Variants in UGT1A5 observed in about 807,000 individuals in gnomAD.
The protein encoded by UGT1A5 is UDP glucuronosyltransferase family 1 member A5.
In UGT1A5, 29 loss-of-function variants were observed where a neutral mutation model predicts 40.3. That is an observed-to-expected ratio of 0.72 (90% CI 0.54 to 0.98). The LOEUF is 0.98. Among genes scored for constraint, UGT1A5 ranks in the 50% least tolerant of loss-of-function variants. The pLI is 0.00. For missense variants in UGT1A5, 678 were observed against 677.9 expected (o/e 1.00, Z 0.00); for synonymous variants, 257 against 262.5 (o/e 0.98, Z 0.20).
intron 1 of UGT1A5, among the ~76,000 whole-genome samples, chr2:233,731,868 C>A (rs576370414): frequency 3.2e-4 from 49 of 152,324 alleles, no homozygotes; most frequent in African/African-American, 1.1e-3. Context: ...ACACTGTCTT[C>A]CACAATGGTT....
At chr2:233,758,400 T>C (rs1696865651) in intron 1 of UGT1A5, among the ~76,000 whole-genome samples, 1 of 152,196 alleles carries the variant, frequency 6.6e-6, no homozygotes, top group African/African-American at 2.4e-5. Context: ...TTATAGCCCC[T>C]TTACTGTCTA....
At chr2:233,718,427 T>C (rs551386260) in intron 1 of UGT1A5, among the ~76,000 whole-genome samples, 2 of 152,232 alleles carry the variant, frequency 1.3e-5, no homozygotes, top group East Asian at 3.9e-4. Context: ...GAACATGTGG[T>C]TGGGGACTAG....
intron 1 of UGT1A5, among the ~76,000 whole-genome samples, chr2:233,765,265 C>G (rs1223500650): frequency 6.6e-6 from 1 of 152,098 alleles, no homozygotes; most frequent in Non-Finnish European, 1.5e-5. Context: ...GGTATATACC[C>G]AAAGAAATAT....
At chr2:233,742,731 A>G (rs1692080362) in intron 1 of UGT1A5, 1 of 152,930 alleles carries the variant, frequency 6.5e-6, no homozygotes, top group Non-Finnish European at 1.5e-5. Context: ...TATGGGATTC[A>G]AATGTCTGAC....
intron 1 of UGT1A5, chr2:233,743,969 G>T: frequency 1.5e-6 from 2 of 1,324,976 alleles, no homozygotes; most frequent in Admixed American, 2.1e-5. Flanking sequence ...CGGCAAGGCT[G>T]CCAGCACCCA....
chr2:233,763,296 GAT>G (rs1373689978), intron 1 of UGT1A5, among the ~76,000 whole-genome samples: 1 of 152,054 alleles, frequency 6.6e-6, no homozygotes, highest in African/African-American at 2.4e-5. Flanking sequence ...CCACTTTTTG[GAT>G]ATTAATATTA....
chr2:233,772,436 T>G lies in UGT1A5; in HGVS notation c.1482T>G (p.Gly494=). 6.2e-7 allele frequency: 1 copy of G among 1,614,180 alleles called. No individual in the cohort carries two copies. Among genetic ancestry groups the G allele is most frequent in the Non-Finnish European group, 8.5e-7 (1 of 1,180,036 alleles). Residue 494 remains glycine, a synonymous_variant, in exon 5 of 5, where the codon GGT becomes GGG. Coordinates refer to ENST00000373414, the MANE Select transcript of UGT1A5 (RefSeq NM_019078.2). ...AGTACCATTCCTTGGACGTGATTGGTTTCCTCTTGGCCGTCGTGCTGACAG... is the reference window on the plus strand; with the variant it reads ...AGTACCATTCCTTGGACGTGATTGGGTTCCTCTTGGCCGTCGTGCTGACAG... ...WYQYHSLDVI[G]FLLAVVLTVA...
intron 1 of UGT1A5, among the ~76,000 whole-genome samples, chr2:233,762,133 C>T (rs1697980653): frequency 6.6e-6 from 1 of 152,096 alleles, no homozygotes. Flanking sequence ...ATGTGGGGAC[C>T]TGTGTGACTT....
intron 1 of UGT1A5, chr2:233,719,666 C>A (rs766884257): frequency 1.7e-5 from 27 of 1,614,092 alleles, no homozygotes; most frequent in Non-Finnish European, 2.2e-5. Flanking sequence ...TCAACTGTGC[C>A]AACGGGAAGC....
chr2:233,747,484 G>C (rs796155377), intron 1 of UGT1A5: 4 of 1,608,658 alleles, frequency 2.5e-6, no homozygotes, highest in Middle Eastern at 1.7e-4. Flanking sequence ...GAATTTGATC[G>C]CCTTGTGCTG....
chr2:233,725,050 GGCGGC>G (rs1446424996), intron 1 of UGT1A5, among the ~76,000 whole-genome samples: 4 of 147,892 alleles, frequency 2.7e-5, no homozygotes, highest in African/African-American at 1.0e-4. Context: ...AGTCAGGCGT[GGCGGC>G]GCGCGCCTGC....
At position 233,769,843 on chromosome 2, in the gene UGT1A5, G is replaced by T; in HGVS notation, c.1307+1404G>T. On this transcript the variant is annotated intron_variant, in intron 4 of 4. Transcript: ENST00000373414. The surrounding 1 kb of genome is among the most constrained non-coding windows in gnomAD (Gnocchi z 4.4). ...GCACTCCAGCAACCTGGGCAACAGA[G>T]TGAGACCCTGTCTCAAAAAAAAAAA... 9 of 506,258 alleles carry T rather than the reference G, an allele frequency of 1.8e-5. No individual in the cohort carries two copies. The highest frequency in any genetic ancestry group is 4.7e-5 in the South Asian group (1 of 21,142). The allele number at this position is 506,258 out of a possible 1,614,324, so 31.4% of individuals were successfully genotyped here.
At chr2:233,721,019 A>AAT (rs1377693832) in intron 1 of UGT1A5, among the ~76,000 whole-genome samples, 6 of 152,098 alleles carry the variant, frequency 3.9e-5, no homozygotes, top group Non-Finnish European at 8.8e-5. Context: ...TGAGGGAGCC[A>AAT]TCTTTCTTGT....
chr2:233,730,056 T>A, intron 1 of UGT1A5: 2 of 1,611,732 alleles, frequency 1.2e-6, no homozygotes, highest in Non-Finnish European at 8.5e-7. Context: ...AAAAATGTAT[T>A]TATTTAAAAT....
At chr2:233,724,531 C>G (rs557040072) in intron 1 of UGT1A5, among the ~76,000 whole-genome samples, 1 of 121,546 alleles carries the variant, frequency 8.2e-6, no homozygotes, top group African/African-American at 3.4e-5. Flanking sequence ...GGGGTCTCGC[C>G]GGGCAGAGGC....
chr2:233,722,106 A>G, intron 1 of UGT1A5: 1 of 195,622 alleles, frequency 5.1e-6, no homozygotes, highest in South Asian at 1.0e-4. Flanking sequence ...TCTTAGAGGA[A>G]GAGCTATCAT....
intron 1 of UGT1A5, among the ~76,000 whole-genome samples, chr2:233,738,509 G>A (rs533932753): frequency 1.3e-5 from 2 of 152,322 alleles, no homozygotes; most frequent in African/African-American, 4.8e-5. Context: ...CCAAAATGCT[G>A]ATAATGTTGT....
At chr2:233,767,332 A>C (rs34743975) in intron 2 of UGT1A5, among the ~76,000 whole-genome samples, 167 bp downstream of exon 2, 47 of 152,148 alleles carry the variant, frequency 3.1e-4, no homozygotes, top group Admixed American at 1.7e-3. Flanking sequence ...GGTTGTTGTC[A>C]TTGTTTTCAA....
At position 233,719,386 on chromosome 2, in the gene UGT1A5, A is replaced by G. The variant is rs141300284; in HGVS notation, c.867+5528A>G. The G allele has an allele frequency of 2.9e-5, 47 of 1,613,822 alleles. No homozygotes were observed. In the African/African-American group the frequency reaches 4.3e-4, roughly 15 times the overall value. ...GACTTTAAGGGCACACAGTGTCCAA[A>G]TCCTTCCTCCTATATTCCTAAGTTA... is the stretch of plus-strand genomic sequence containing the variant. On this transcript the variant is annotated intron_variant, in intron 1 of 4. Transcript: ENST00000373414.
Sources: gnomAD v4.1 joint callset for allele counts (sites outside exome capture counted in the v4.1 genomes callset) on GRCh38, gnomAD v4.1.1 for gene constraint, Gnocchi (gnomAD v3.1) non-coding constraint, MANE v1.5 for transcripts, NCBI Gene and HGNC (gene_info 2026-07-23, HGNC 2026-07-21) for gene names.